The following EIF4G1 variants were observed in gnomAD, a reference collection of about 807,000 sequenced individuals.
EIF4G1 encodes the protein EIF4-gamma.
EIF4G1 carries 4 observed loss-of-function variants against 187.8 expected under a neutral mutation model. The ratio of observed to expected loss-of-function variants is 0.02; its 90% confidence interval spans 0.01 to 0.05. The LOEUF (loss-of-function observed/expected upper bound fraction) is 0.05, where lower values mean the gene tolerates loss of function less well. Among genes scored for constraint, EIF4G1 ranks in the 10% least tolerant of loss-of-function variants. The probability of loss-of-function intolerance (pLI) is 1.00; values close to 1 mark genes in which losing one functional copy is unlikely to be tolerated. For synonymous variants in EIF4G1, 844 were observed against 781.4 expected (o/e 1.08, Z -1.34); for missense variants, 1,647 against 2,081.1 (o/e 0.79, Z 4.06).
rs1472336155 is a variant in EIF4G1 at position 184,325,272 on chromosome 3, C to G, written c.2860C>G (p.Arg954Gly). ...CTGATGCCTTTCTCCTTCCTAGCCC[C>G]GAATGGATCAGTATTTCAACCAGAT... ...KDLDFEKAKP[R>G]MDQYFNQMEK... The change falls in exon 19 of 33, where the codon CGA becomes GGA. Residue 954 changes from arginine (R) to glycine (G), a missense_variant. By Grantham distance (125) the Arg-to-Gly change is moderately radical. This residue lies in a region of EIF4G1 where 142 missense variants were observed against 296.6 expected (regional missense o/e 0.48). Transcript: ENST00000346169. The surrounding 1 kb of genome is among the most constrained non-coding windows in gnomAD (Gnocchi z 5.2). 1.2e-6 allele frequency: 2 copies of G among 1,614,074 alleles called. No homozygotes were observed. The highest frequency in any genetic ancestry group is 1.1e-5 in the South Asian group (1 of 91,074).
In EIF4G1 at chr3:184,323,703, C is replaced by T; in HGVS notation, c.2275-77C>T. Reference sequence around the variant, plus strand: ...TCACTAGCATCTGTCATGCCTAAGTCCCCACCACCCTCTCCTGTCCCTCCC... The same window carrying T: ...TCACTAGCATCTGTCATGCCTAAGTTCCCACCACCCTCTCCTGTCCCTCCC... On this transcript the variant is annotated intron_variant, in intron 15 of 32. Transcript: ENST00000346169. This position sits in a 1 kb window ranked among gnomAD's most constrained non-coding sequence, Gnocchi z 6.9. The T allele has an allele frequency of 1.2e-6, 2 of 1,609,452 alleles. No homozygotes were observed. Among genetic ancestry groups the T allele is most frequent in the Non-Finnish European group, 1.7e-6 (2 of 1,177,756 alleles).
rs373462325 is a variant in EIF4G1, at chr3:184,323,373, C to T, written c.2089-35C>T. ...TGTCACATATTGTGCTGACTAGTTCCATGTCCCCTCTTGTCTTCATCCCTT... is the reference window on the plus strand; with the variant it reads ...TGTCACATATTGTGCTGACTAGTTCTATGTCCCCTCTTGTCTTCATCCCTT... On this transcript the variant is annotated intron_variant, in intron 14 of 32. Coordinates refer to ENST00000346169, the MANE Select transcript of EIF4G1 (RefSeq NM_198241.3). The surrounding 1 kb of genome is among the most constrained non-coding windows in gnomAD (Gnocchi z 6.9). 7 of 1,613,718 alleles carry T rather than the reference C, an allele frequency of 4.3e-6. No individual in the cohort carries two copies. Among genetic ancestry groups the T allele is most frequent in the Non-Finnish European group, 5.9e-6 (7 of 1,179,876 alleles).
At position 184,325,791 on chromosome 3, in the gene EIF4G1, A is replaced by G. The variant is rs757830669; in HGVS notation, c.3122-60A>G. 14 of 1,612,740 alleles carry G rather than the reference A, an allele frequency of 8.7e-6. No homozygotes were observed. The South Asian group carries it at 1.5e-4, about 18-fold the overall frequency. ...GAGGAAGGGAGGCTGGGGGTGGCCC[A>G]AGGGGAAGGGGCTGCTAGGATTTAT... is the stretch of plus-strand genomic sequence containing the variant. On this transcript the variant is annotated intron_variant, in intron 20 of 32. Coordinates refer to ENST00000346169, the MANE Select transcript of EIF4G1 (RefSeq NM_198241.3). This position sits in a 1 kb window ranked among gnomAD's most constrained non-coding sequence, Gnocchi z 5.2.
At chr3:184,327,172 C>T in intron 23 of EIF4G1, 44 bp from the exon 24 acceptor site, 1 of 1,608,618 alleles carries the variant, frequency 6.2e-7, no homozygotes, top group Non-Finnish European at 8.5e-7. Flanking sequence ...ACATGAGTGC[C>T]TGGGCAGTGC....
intron 1 of EIF4G1, among the ~76,000 whole-genome samples, chr3:184,314,968 AGGCCCGGCAGCCCACG>A (rs1379123101): frequency 6.6e-6 from 1 of 151,054 alleles, no homozygotes; most frequent in African/African-American, 2.4e-5. Flanking sequence ...TGACCCGAGG[AGGCCCGGCAGCCCACG>A]GGCGCAGGCA....
chr3:184,328,759 A>G lies in EIF4G1; in HGVS notation c.4079+3A>G. The G allele has an allele frequency of 6.2e-7, 1 of 1,614,152 alleles. No homozygotes were observed. Among genetic ancestry groups the G allele is most frequent in the African/African-American group, 1.3e-5 (1 of 75,038 alleles). On this transcript the variant is annotated splice_donor_region_variant and intron_variant, in intron 27 of 32. Coordinates refer to ENST00000346169, the MANE Select transcript of EIF4G1 (RefSeq NM_198241.3). ...GTGCCCATGGGGGAGCTGTTCAGGT[A>G]AGTCCCCCTGGGTGGAATTCAGGGG...
intron 21 of EIF4G1, among the ~76,000 whole-genome samples, chr3:184,326,289 T>C (rs1724889977): frequency 6.6e-6 from 1 of 152,220 alleles, no homozygotes; most frequent in Admixed American, 6.5e-5. Flanking sequence ...AAAATGTAAA[T>C]GTCAGTGTCC....
At position 184,321,267 on chromosome 3, in the gene EIF4G1, C is replaced by G. The variant is rs137914741; in HGVS notation, c.698-15C>G. Reference sequence around the variant, plus strand: ...ACTTGCCTTTAGTTGCTCATTCTTCCTTCCTATGGTGCAGATGACCGGTCA... The same window carrying G: ...ACTTGCCTTTAGTTGCTCATTCTTCGTTCCTATGGTGCAGATGACCGGTCA... On this transcript the variant is annotated splice_polypyrimidine_tract_variant and intron_variant, in intron 9 of 32. Transcript: ENST00000346169. The G allele has an allele frequency of 2.5e-6, 4 of 1,613,966 alleles. No individual in the cohort carries two copies. Among genetic ancestry groups the G allele is most frequent in the African/African-American group, 2.7e-5 (2 of 74,908 alleles).
At chr3:184,322,514 C>T in intron 11 of EIF4G1, 30 bp from the exon 12 acceptor site, 2 of 1,613,986 alleles carry the variant, frequency 1.2e-6, no homozygotes, top group Non-Finnish European at 1.7e-6. Flanking sequence ...GGTCATTCTG[C>T]AACCAAAACT....
At position 184,331,788 on chromosome 3, in the gene EIF4G1, G is replaced by A. The variant is rs1560232319; in HGVS notation, c.4456G>A (p.Val1486Ile). Reference sequence around the variant, plus strand: ...GTTAGTTCGAGCCCTCATGACGGCTGTCTGCTATTCTGCAATTATTTGTAA... The same window carrying A: ...GTTAGTTCGAGCCCTCATGACGGCTATCTGCTATTCTGCAATTATTTGTAA... ...NTLVRALMTA[V>I]CYSAIIFETP... Residue 1486 changes from valine to isoleucine, a missense_variant, in exon 31 of 33, where the codon GTC becomes ATC. By Grantham distance (29) the Val-to-Ile change is conservative. This residue lies in a region of EIF4G1 where 543 missense variants were observed against 638.0 expected (regional missense o/e 0.85). Coordinates refer to ENST00000346169, the MANE Select transcript of EIF4G1 (RefSeq NM_198241.3). 3 of 1,614,232 alleles carry A rather than the reference G, an allele frequency of 1.9e-6. No individual in the cohort carries two copies. Among genetic ancestry groups the A allele is most frequent in the Non-Finnish European group, 2.5e-6 (3 of 1,180,044 alleles).
At chr3:184,315,262 G>C (rs1195640985) in intron 1 of EIF4G1, 4 of 445,222 alleles carry the variant, frequency 9.0e-6, no homozygotes, top group Admixed American at 4.8e-5. Context: ...GCGGCGGCAG[G>C]CCTAGCTTCT....
chr3:184,332,084 C>A lies in EIF4G1; in HGVS notation c.4616C>A (p.Pro1539His). The change falls in exon 32 of 33, where the codon CCC becomes CAC. Residue 1539 changes from proline (P) to histidine (H), a missense_variant and splice_region_variant. Transcript: ENST00000346169. Reference sequence around the variant, plus strand: ...CTTGTAGTGACCTTAGAACAGCCTCCCAGTAAGAGCCAGGCCATGGGGACA... The same window carrying A: ...CTTGTAGTGACCTTAGAACAGCCTCACAGTAAGAGCCAGGCCATGGGGACA... ...QALVVTLEQP[P>H]NLLRMFFDAL... The A allele has an allele frequency of 6.2e-7, 1 of 1,614,142 alleles. No individual in the cohort carries two copies. Among genetic ancestry groups the A allele is most frequent in the Non-Finnish European group, 8.5e-7 (1 of 1,180,014 alleles).
rs774350905 is a variant in EIF4G1, at chr3:184,320,668, C to A, written c.576C>A (p.Ile192=). ...IRDPNQGGKD[I]TEEIMSGART... The stretch of plus-strand genomic sequence containing the variant: ...ATCCAAACCAAGGAGGAAAGGATAT[C>A]ACAGAGGAGATCATGTCTGGGGCCC... The change falls in exon 8 of 33, where the codon ATC becomes ATA. Residue 192 remains isoleucine, a synonymous_variant. Coordinates refer to ENST00000346169, the MANE Select transcript of EIF4G1 (RefSeq NM_198241.3). 6.2e-7 allele frequency: 1 copy of A among 1,614,098 alleles called. No individual in the cohort carries two copies. Among genetic ancestry groups the A allele is most frequent in the Admixed American group, 1.7e-5 (1 of 60,018 alleles).
chr3:184,317,557 C>T (rs549713898), intron 5 of EIF4G1, 60 bp downstream of exon 5: 174 of 1,598,234 alleles, frequency 1.1e-4, no homozygotes, highest in Non-Finnish European at 1.4e-4. Context: ...ACTTAACTCA[C>T]CCTGACCCTC....
At chr3:184,333,231 A>G (rs1175709690) in intron 32 of EIF4G1, among the ~76,000 whole-genome samples, 1 of 152,182 alleles carries the variant, frequency 6.6e-6, no homozygotes, top group Non-Finnish European at 1.5e-5. Flanking sequence ...CCATAGTGTG[A>G]TGTCATTTGC....
chr3:184,320,892 TC>T (rs1723781659), intron 8 of EIF4G1, 34 bp from the exon 9 acceptor site: 1 of 1,613,834 alleles, frequency 6.2e-7, no homozygotes, highest in Non-Finnish European at 8.5e-7. Context: ...GTGGGACTCT[TC>T]AGTGCAAACT....
intron 22 of EIF4G1, 35 bp downstream of exon 22, chr3:184,326,664 C>A (rs775192649): frequency 1.2e-6 from 2 of 1,602,554 alleles, no homozygotes; most frequent in African/African-American, 2.7e-5. Flanking sequence ...GGTGGTTACC[C>A]GTCAGAGCTC....
chr3:184,333,838 CGAT>C (rs1387024160), intron 32 of EIF4G1, among the ~76,000 whole-genome samples: 1 of 152,070 alleles, frequency 6.6e-6, no homozygotes, highest in Non-Finnish European at 1.5e-5. Context: ...AGTGCATAAT[CGAT>C]TGGATGGGGT....
intron 6 of EIF4G1, among the ~76,000 whole-genome samples, chr3:184,319,426 GGTGTGTGTGTGTGTGTGTGT>G (rs1168140244): frequency 2.7e-5 from 3 of 112,876 alleles, no homozygotes; most frequent in Non-Finnish European, 5.5e-5. Flanking sequence ...GCCTACGAGG[GGTGTGTGTGTGTGTGTGTGT>G]GTGTGTGTGT....
Sources: allele counts gnomAD v4.1 joint callset (sites outside exome capture counted in the v4.1 genomes callset), GRCh38; gene constraint gnomAD v4.1.1; regional missense constraint gnomAD v4.1.1; non-coding constraint Gnocchi (gnomAD v3.1); transcripts MANE v1.5; gene names NCBI Gene and HGNC (gene_info 2026-07-23, HGNC 2026-07-21).